ENTREP2: variants seen among roughly 807,000 people sequenced by gnomAD.
ENTREP2 encodes the protein endosomal transmembrane epsin interactor 2, also known as protein ENTREP2.
chr15:29,533,996 G>A, the ENTREP2 span, among the ~76,000 whole-genome samples: 1 of 150,882 alleles, frequency 6.6e-6, no homozygotes, highest in Non-Finnish European at 1.5e-5. Context: ...GACGCATTAG[G>A]TGGCAATATG....
the ENTREP2 span, among the ~76,000 whole-genome samples, chr15:29,672,802 G>T: frequency 6.6e-6 from 1 of 152,036 alleles, no homozygotes; most frequent in Admixed American, 6.6e-5. Context: ...CTGATTGGTT[G>T]GGTAGAAGAT....
chr15:29,600,330 A>G, the ENTREP2 span, among the ~76,000 whole-genome samples: 1 of 152,268 alleles, frequency 6.6e-6, no homozygotes, highest in Non-Finnish European at 1.5e-5. Context: ...CATCTGCTCA[A>G]TATTATATGG....
At chr15:29,378,689 G>A in the ENTREP2 span, among the ~76,000 whole-genome samples, 434 of 152,164 alleles carry the variant, frequency 2.9e-3, 3 homozygotes, top group Middle Eastern at 0.01. Context: ...CGAATTGCCC[G>A]TTCCCACAAC....
the ENTREP2 span, among the ~76,000 whole-genome samples, chr15:29,480,070 T>C: frequency 6.6e-6 from 1 of 152,226 alleles, no homozygotes; most frequent in African/African-American, 2.4e-5. Context: ...TGATGTGATC[T>C]GTTATTAAAA....
At chr15:29,222,456 G>T in the ENTREP2 span, among the ~76,000 whole-genome samples, 1 of 152,018 alleles carries the variant, frequency 6.6e-6, no homozygotes, top group African/African-American at 2.4e-5. Flanking sequence ...TACTCTATGG[G>T]CTCGCCTCTA....
the ENTREP2 span, among the ~76,000 whole-genome samples, chr15:29,388,411 A>T: frequency 6.6e-6 from 1 of 152,244 alleles, no homozygotes; most frequent in African/African-American, 2.4e-5. Context: ...TCAAAACCAC[A>T]ATGAGATGCC....
the ENTREP2 span, among the ~76,000 whole-genome samples, chr15:29,604,044 G>A: frequency 6.6e-6 from 1 of 152,174 alleles, no homozygotes; most frequent in Non-Finnish European, 1.5e-5. Flanking sequence ...AAGAGGGAAA[G>A]GAGACAGTTG....
the ENTREP2 span, among the ~76,000 whole-genome samples, chr15:29,325,466 C>T: frequency 6.6e-6 from 1 of 151,944 alleles, no homozygotes; most frequent in African/African-American, 2.4e-5. Flanking sequence ...AAAATGATAA[C>T]AAAGGAACTC....
chr15:29,330,662 G>A, the ENTREP2 span, among the ~76,000 whole-genome samples: 4 of 152,136 alleles, frequency 2.6e-5, no homozygotes, highest in East Asian at 1.9e-4. Context: ...GCGACGAAAC[G>A]TGATGTGGGG....
At chr15:29,261,484 T>C in the ENTREP2 span, among the ~76,000 whole-genome samples, 2 of 152,202 alleles carry the variant, frequency 1.3e-5, no homozygotes, top group Non-Finnish European at 2.9e-5. Flanking sequence ...TACTGCACTC[T>C]AGCCTGGGCA....
chr15:29,135,206 C>T, the ENTREP2 span, among the ~76,000 whole-genome samples: 2 of 152,050 alleles, frequency 1.3e-5, no homozygotes, highest in South Asian at 2.1e-4. The surrounding 1 kb of genome is among the most constrained non-coding windows in gnomAD (Gnocchi z 7.4). Context: ...ATGCCCCAGT[C>T]CCCGAGGCCT....
At chr15:29,651,632 C>G in the ENTREP2 span, among the ~76,000 whole-genome samples, 34 of 152,366 alleles carry the variant, frequency 2.2e-4, no homozygotes, top group African/African-American at 8.2e-4. Context: ...TGCCTGGCCT[C>G]TTCCCAGCTC....
At chr15:29,341,339 T>A in the ENTREP2 span, among the ~76,000 whole-genome samples, 1 of 152,338 alleles carries the variant, frequency 6.6e-6, no homozygotes, top group African/African-American at 2.4e-5. Flanking sequence ...ATTCATCCAT[T>A]AATTACTCAC....
the ENTREP2 span, among the ~76,000 whole-genome samples, chr15:29,368,614 G>A: frequency 1.3e-5 from 2 of 151,992 alleles, 1 homozygote; most frequent in Non-Finnish European, 2.9e-5. Flanking sequence ...GCTCATACCT[G>A]TAATCCCAGC....
the ENTREP2 span, among the ~76,000 whole-genome samples, chr15:29,326,078 G>C: frequency 2.0e-5 from 3 of 152,026 alleles, no homozygotes; most frequent in Admixed American, 6.6e-5. Context: ...GAACAAAGAT[G>C]ATCTTCCTCA....
chr15:29,175,603 C>G, the ENTREP2 span, among the ~76,000 whole-genome samples: 4 of 152,302 alleles, frequency 2.6e-5, no homozygotes, highest in Admixed American at 2.0e-4. Context: ...GTTTGTCCAT[C>G]TCTCTTTTTC....
At chr15:29,151,853 G>C in the ENTREP2 span, 68 of 1,541,124 alleles carry the variant, frequency 4.4e-5, no homozygotes, top group Non-Finnish European at 5.7e-5. Flanking sequence ...TGCGAGGAAA[G>C]GTGCAGGAGA....
the ENTREP2 span, among the ~76,000 whole-genome samples, chr15:29,155,657 G>A: frequency 6.6e-6 from 1 of 152,162 alleles, no homozygotes; most frequent in Non-Finnish European, 1.5e-5. Flanking sequence ...CCACCCCAGG[G>A]AGTCTGCAGG....
the ENTREP2 span, among the ~76,000 whole-genome samples, chr15:29,439,208 G>C: frequency 2.0e-5 from 3 of 151,762 alleles, no homozygotes; most frequent in South Asian, 6.3e-4. Context: ...CACATAAGCA[G>C]CTGATGGTAG....
Sources: allele counts gnomAD v4.1 joint callset (sites outside exome capture counted in the v4.1 genomes callset), GRCh38; gene constraint gnomAD v4.1.1; non-coding constraint Gnocchi (gnomAD v3.1); transcripts MANE v1.5; gene names NCBI Gene and HGNC (gene_info 2026-07-23, HGNC 2026-07-21).